NAALADL2: variants seen among roughly 807,000 people sequenced by gnomAD.
The protein encoded by NAALADL2 is inactive N-acetylated-alpha-linked acidic dipeptidase-like protein 2.
Under a neutral mutation model 87.2 loss-of-function variants are expected in NAALADL2, and 76 were observed. The observed-to-expected ratio is 0.87, with a 90% CI of 0.72 to 1.05. The LOEUF is 1.05. Among genes scored for constraint, NAALADL2 ranks in the 50% least tolerant of loss-of-function variants. NAALADL2 has a pLI of 0.00. For synonymous variants in NAALADL2, 354 were observed against 331.0 expected (o/e 1.07, Z -0.75); for missense variants, 1,089 against 945.8 (o/e 1.15, Z -1.99).
chr3:174,868,656 A>C (rs1193522894), intron 1 of NAALADL2, among the ~76,000 whole-genome samples: 1 of 152,136 alleles, frequency 6.6e-6, no homozygotes, highest in Non-Finnish European at 1.5e-5. Context: ...AGACTGTGAA[A>C]ACTTGATTTC....
intron 1 of NAALADL2, among the ~76,000 whole-genome samples, chr3:175,070,053 C>G (rs1715324899): frequency 6.7e-6 from 1 of 149,476 alleles, no homozygotes; most frequent in South Asian, 2.2e-4. Context: ...AGGAGATATA[C>G]CTAATGCTAA....
At chr3:175,746,626 A>G (rs1745977688) in intron 12 of NAALADL2, among the ~76,000 whole-genome samples, 1 of 152,166 alleles carries the variant, frequency 6.6e-6, no homozygotes, top group Non-Finnish European at 1.5e-5. Context: ...GGAATTCTGT[A>G]TCATGTTAGA....
chr3:175,137,580 T>C (rs939977070), intron 2 of NAALADL2, among the ~76,000 whole-genome samples: 1 of 150,262 alleles, frequency 6.7e-6, no homozygotes, highest in Non-Finnish European at 1.5e-5. Context: ...TTTCTACAAA[T>C]GGAATTAATA....
chr3:174,781,258 T>G (rs1248896839), intron 3 of NAALADL2, among the ~76,000 whole-genome samples: 1 of 151,994 alleles, frequency 6.6e-6, no homozygotes, highest in African/African-American at 2.4e-5. Context: ...TTATGTGTCT[T>G]GAGGTTGCTC....
rs1446722641 is a variant in NAALADL2, at chr3:175,809,632, T to C, written c.*6429T>C. The C allele has an allele frequency of 2.0e-5, 3 of 151,644 alleles. No individual in the cohort carries two copies. The highest frequency in any genetic ancestry group is 7.3e-5 in the African/African-American group (3 of 41,314). 9.4% of individuals were successfully genotyped at this position (151,644 alleles called of 1,614,324 possible). ...GGAAGAATCATTTGGGCCCAAAAGTTTGAAGCTGCAGTGAGCTAAAATCAT... is the reference window on the plus strand; with the variant it reads ...GGAAGAATCATTTGGGCCCAAAAGTCTGAAGCTGCAGTGAGCTAAAATCAT... On this transcript the variant is annotated 3_prime_UTR_variant, in exon 14 of 14. Coordinates refer to ENST00000454872, the MANE Select transcript of NAALADL2 (RefSeq NM_207015.3).
chr3:174,495,165 G>A (rs754428274), intron 1 of NAALADL2, among the ~76,000 whole-genome samples: 13 of 150,338 alleles, frequency 8.6e-5, no homozygotes, highest in Non-Finnish European at 1.2e-4. Context: ...GCATATAAAA[G>A]TCCTGCCATC....
intron 2 of NAALADL2, among the ~76,000 whole-genome samples, chr3:174,630,848 G>C (rs988077099): frequency 6.6e-6 from 1 of 152,078 alleles, no homozygotes; most frequent in Non-Finnish European, 1.5e-5. Context: ...AGCTAAATGA[G>C]AGTCTTCCTA....
At chr3:175,354,137 A>G (rs919802737) in intron 5 of NAALADL2, among the ~76,000 whole-genome samples, 1 of 152,176 alleles carries the variant, frequency 6.6e-6, no homozygotes, top group Non-Finnish European at 1.5e-5. Flanking sequence ...TTAATAAATC[A>G]TTATTTAATT....
chr3:174,467,947 A>G (rs1446673298), intron 1 of NAALADL2, among the ~76,000 whole-genome samples: 1 of 152,112 alleles, frequency 6.6e-6, no homozygotes. Flanking sequence ...ATCCTTATTA[A>G]TGTTATGTAT....
At chr3:175,174,510 T>C (rs866156706) in intron 2 of NAALADL2, among the ~76,000 whole-genome samples, 3 of 152,202 alleles carry the variant, frequency 2.0e-5, no homozygotes, top group Admixed American at 2.0e-4. Flanking sequence ...AAAAAAATTA[T>C]ATTCTGATAA....
intron 3 of NAALADL2, among the ~76,000 whole-genome samples, chr3:174,778,169 C>T (rs9290515): frequency 0.23 from 35,385 of 151,940 alleles, 4,339 homozygotes; most frequent in Middle Eastern, 0.29. Context: ...TCCTCAATGC[C>T]AAAGTTTAGG....
intron 1 of NAALADL2, chr3:174,523,686 C>T (rs1720473691): frequency 6.6e-6 from 1 of 152,190 alleles, no homozygotes; most frequent in African/African-American, 2.4e-5. Flanking sequence ...TGGAATTAAT[C>T]TCACTAACTT....
chr3:175,111,734 C>A (rs1380544612), intron 2 of NAALADL2, among the ~76,000 whole-genome samples: 1 of 151,640 alleles, frequency 6.6e-6, no homozygotes, highest in East Asian at 1.9e-4. Flanking sequence ...AATGCTGCTG[C>A]CTTCTCTAGT....
chr3:175,197,859 C>T (rs141444811), intron 2 of NAALADL2, among the ~76,000 whole-genome samples: 1 of 151,964 alleles, frequency 6.6e-6, no homozygotes, highest in African/African-American at 2.4e-5. Flanking sequence ...GAGAAAATTA[C>T]CACTGAGGGC....
At chr3:175,610,989 A>G (rs1237035795) in intron 10 of NAALADL2, among the ~76,000 whole-genome samples, 2 of 152,110 alleles carry the variant, frequency 1.3e-5, no homozygotes, top group South Asian at 2.1e-4. Flanking sequence ...CAAGATCCCA[A>G]TATTACAGGT....
chr3:175,051,646 C>T (rs1755405816), intron 1 of NAALADL2, among the ~76,000 whole-genome samples: 1 of 152,104 alleles, frequency 6.6e-6, no homozygotes, highest in South Asian at 2.1e-4. Flanking sequence ...GCGCAACATC[C>T]TTTGTCATAT....
At chr3:174,999,142 G>A (rs995814663) in intron 1 of NAALADL2, among the ~76,000 whole-genome samples, 5 of 151,984 alleles carry the variant, frequency 3.3e-5, no homozygotes, top group African/African-American at 4.8e-5. Flanking sequence ...ACTTAGAAGT[G>A]GAACAAAATA....
At chr3:175,186,788 C>T (rs568416290) in intron 2 of NAALADL2, among the ~76,000 whole-genome samples, 15 of 152,106 alleles carry the variant, frequency 9.9e-5, no homozygotes, top group South Asian at 2.1e-4. Context: ...TCCCATCTCT[C>T]TTCCATCTCA....
chr3:175,380,291 A>G (rs1258966196), intron 5 of NAALADL2, among the ~76,000 whole-genome samples: 1 of 152,116 alleles, frequency 6.6e-6, no homozygotes, highest in Non-Finnish European at 1.5e-5. Context: ...TCTACCCCAC[A>G]AGGTTGCCCT....
Sources: gnomAD v4.1 joint callset for allele counts (sites outside exome capture counted in the v4.1 genomes callset) on GRCh38, gnomAD v4.1.1 for gene constraint, MANE v1.5 for transcripts, NCBI Gene and HGNC (gene_info 2026-07-23, HGNC 2026-07-21) for gene names.